The following MAP6 variants were observed in gnomAD, a reference collection of about 807,000 sequenced individuals.
The protein encoded by MAP6 is microtubule associated protein 6, also known as microtubule-associated protein 6.
In MAP6, 26 loss-of-function variants were observed where a neutral mutation model predicts 42.4. The observed-to-expected ratio is 0.61, with a 90% CI of 0.45 to 0.85. MAP6 has a LOEUF of 0.85. Ranked by LOEUF, MAP6 falls within the 40% of genes least tolerant of loss-of-function variation. MAP6 has a pLI of 0.00. For synonymous variants in MAP6, 418 were observed against 443.8 expected, an observed-to-expected ratio of 0.94 and a Z score of 0.73; for missense variants, 966 against 1,099.0, an observed-to-expected ratio of 0.88 and a Z score of 1.71.
intron 1 of MAP6, chr11:75,638,664 G>A (rs1365425893): frequency 6.6e-6 from 1 of 152,160 alleles, no homozygotes; most frequent in African/African-American, 2.4e-5. Flanking sequence ...ACAGATGCTG[G>A]CAAAGATGCA....
Position 75,667,495 on chromosome 11 carries a change from T to A in MAP6, c.875A>T (p.Glu292Val). 2 of 1,509,726 alleles carry A rather than the reference T, an allele frequency of 1.3e-6. No homozygotes were observed. Among genetic ancestry groups the A allele is most frequent in the Non-Finnish European group, 1.8e-6 (2 of 1,138,070 alleles). The allele number at this position is 1,509,726 out of a possible 1,614,324, so 93.5% of individuals were successfully genotyped here. The change falls in exon 1 of 4, where the codon GAG (glutamate) becomes GTG (valine). Residue 292 changes from glutamate (E) to valine (V), a missense_variant. Coordinates refer to ENST00000304771, the MANE Select transcript of MAP6 (RefSeq NM_033063.2). The surrounding 1 kb of genome is among the most constrained non-coding windows in gnomAD (Gnocchi z 5.6). ...GGAGCTGCTCACTGCACTCGCCACC[T>A]CCTCGCGGATTTGCCGGTTGAGGGC... Reference protein sequence around the residue: ...ADALNRQIREEVASAVSSSYR... With the variant: ...ADALNRQIREVVASAVSSSYR...
chr11:75,615,019 G>T (rs1357466962), intron 1 of MAP6, among the ~76,000 whole-genome samples: 1 of 152,200 alleles, frequency 6.6e-6, no homozygotes, highest in East Asian at 1.9e-4. Flanking sequence ...AGCTGATAAA[G>T]ATGCACCTGC....
chr11:75,593,166 T>A (rs1590750500), intron 3 of MAP6, among the ~76,000 whole-genome samples: 1 of 152,236 alleles, frequency 6.6e-6, no homozygotes, highest in Non-Finnish European at 1.5e-5. Context: ...GACTGAAGTG[T>A]CCAGAGGGCA....
Position 75,587,706 on chromosome 11 carries a change from C to T in MAP6, c.1795G>A (p.Val599Ile). ...SASVKDQGPM[V>I]SAPVKDQGPI... ...CCTTGATCCTTGACAGGTGCTGAGA[C>T]CATGGGACCTTGATCCTTGACAGAT... Residue 599 changes from valine (V) to isoleucine (I), a missense_variant, in exon 4 of 4, where the codon GTC (valine) becomes ATC (isoleucine). By Grantham distance (29) the Val-to-Ile change is conservative. This residue lies in a region of MAP6 where 943 missense variants were observed against 1,049.9 expected (regional missense o/e 0.90). Coordinates refer to ENST00000304771, the MANE Select transcript of MAP6 (RefSeq NM_033063.2). The T allele has an allele frequency of 6.2e-7, 1 of 1,613,470 alleles. No individual in the cohort carries two copies. Among genetic ancestry groups the T allele is most frequent in the South Asian group, 1.1e-5 (1 of 90,926 alleles).
chr11:75,628,068 C>A (rs1359355273), intron 1 of MAP6, among the ~76,000 whole-genome samples: 1 of 152,184 alleles, frequency 6.6e-6, no homozygotes, highest in Admixed American at 6.5e-5. Context: ...GCTGACTCAT[C>A]TGAGAGACAA....
chr11:75,639,281 A>G (rs1253507812), intron 1 of MAP6, among the ~76,000 whole-genome samples: 1 of 152,184 alleles, frequency 6.6e-6, no homozygotes, highest in African/African-American at 2.4e-5. Context: ...CCACACTTGT[A>G]CCCCCTAAAT....
rs140994962 is a variant in MAP6 at position 75,587,561 on chromosome 11, G to A, written c.1940C>T (p.Pro647Leu). The A allele has an allele frequency of 2.6e-4, 423 of 1,613,926 alleles. No individual in the cohort carries two copies. The highest frequency in any genetic ancestry group is 3.4e-4 in the Non-Finnish European group (407 of 1,180,012). The change falls in exon 4 of 4, where the codon CCG (proline) becomes CTG (leucine). Residue 647 changes from proline to leucine, a missense_variant. Physicochemically the swap from Pro to Leu is moderately conservative, Grantham distance 98. Coordinates refer to ENST00000304771, the MANE Select transcript of MAP6 (RefSeq NM_033063.2). ...TGTGGCCATGGCACTTTCATCCTTC[G>A]GATGCTCTGGGACCATGGGATCTTG... is the stretch of plus-strand genomic sequence containing the variant. ...KDQDPMVPEH[P>L]KDESAMATAP...
chr11:75,600,288 G>C (rs753968832), intron 3 of MAP6, among the ~76,000 whole-genome samples: 2 of 152,206 alleles, frequency 1.3e-5, no homozygotes, highest in Non-Finnish European at 2.9e-5. Context: ...CAGGAGGTTA[G>C]TGAGAGACAC....
intron 1 of MAP6, among the ~76,000 whole-genome samples, chr11:75,645,883 A>T (rs1943545939): frequency 6.6e-6 from 1 of 152,080 alleles, no homozygotes; most frequent in Non-Finnish European, 1.5e-5. Flanking sequence ...ATGAAAAATA[A>T]GGAGTGGTTT....
chr11:75,620,067 T>A (rs189486839), intron 1 of MAP6, among the ~76,000 whole-genome samples: 3 of 152,198 alleles, frequency 2.0e-5, no homozygotes, highest in East Asian at 1.9e-4. Flanking sequence ...CTCTTAGTAA[T>A]TTAAAATCTT....
intron 3 of MAP6, among the ~76,000 whole-genome samples, chr11:75,593,086 C>G (rs577851995): frequency 1.3e-5 from 2 of 152,340 alleles, no homozygotes; most frequent in African/African-American, 4.8e-5. Flanking sequence ...CTCCTAGTCC[C>G]TGGCACTTGC....
chr11:75,614,621 C>G (rs998571928), intron 1 of MAP6, among the ~76,000 whole-genome samples: 4 of 152,202 alleles, frequency 2.6e-5, no homozygotes, highest in Non-Finnish European at 5.9e-5. Context: ...CTAGAAGACC[C>G]AAACCACCCT....
chr11:75,610,652 G>C (rs569536417), intron 1 of MAP6, among the ~76,000 whole-genome samples: 22 of 152,344 alleles, frequency 1.4e-4, no homozygotes, highest in African/African-American at 5.3e-4. Context: ...TTTGGAAAGA[G>C]AATTTTGAGA....
chr11:75,653,292 C>T (rs1172862265), intron 1 of MAP6, among the ~76,000 whole-genome samples: 1 of 152,200 alleles, frequency 6.6e-6, no homozygotes, highest in Non-Finnish European at 1.5e-5. Context: ...TTGTACATCC[C>T]TGAAAAATCA....
intron 1 of MAP6, among the ~76,000 whole-genome samples, chr11:75,615,839 G>A (rs1942985704): frequency 6.6e-6 from 1 of 152,122 alleles, no homozygotes; most frequent in East Asian, 1.9e-4. Flanking sequence ...GTTGCTTGCA[G>A]TCATTCAACG....
chr11:75,608,508 C>T (rs757279987), intron 1 of MAP6, among the ~76,000 whole-genome samples, 186 bp from the exon 2 acceptor site: 9 of 152,126 alleles, frequency 5.9e-5, no homozygotes, highest in Non-Finnish European at 8.8e-5. Context: ...CAAAGTTGAC[C>T]CAGGTTGGGT....
At chr11:75,643,921 T>A (rs1464718134) in intron 1 of MAP6, among the ~76,000 whole-genome samples, 1 of 152,234 alleles carries the variant, frequency 6.6e-6, no homozygotes, top group African/African-American at 2.4e-5. Flanking sequence ...AATAGATGGA[T>A]GATTTGAAAA....
intron 1 of MAP6, among the ~76,000 whole-genome samples, chr11:75,658,643 A>T (rs992422064): frequency 9.9e-5 from 15 of 152,074 alleles, no homozygotes; most frequent in African/African-American, 3.6e-4. Flanking sequence ...CTAAAATCTA[A>T]AACTGAATCC....
intron 1 of MAP6, among the ~76,000 whole-genome samples, chr11:75,613,523 T>C (rs1484165034): frequency 6.6e-6 from 1 of 152,180 alleles, no homozygotes; most frequent in African/African-American, 2.4e-5. Context: ...ATGCCACAGC[T>C]TCTCTTGTAT....
Sources: allele counts gnomAD v4.1 joint callset (sites outside exome capture counted in the v4.1 genomes callset), GRCh38; gene constraint gnomAD v4.1.1; regional missense constraint gnomAD v4.1.1; non-coding constraint Gnocchi (gnomAD v3.1); transcripts MANE v1.5; gene names NCBI Gene and HGNC (gene_info 2026-07-23, HGNC 2026-07-21).